Variants in FRMD7 observed in about 807,000 individuals in gnomAD.
FRMD7 encodes FERM domain containing 7.
A neutral mutation model predicts 44.1 loss-of-function variants in FRMD7; 14 were observed. That is an observed-to-expected ratio of 0.32 (90% confidence interval 0.21 to 0.50). The LOEUF (loss-of-function observed/expected upper bound fraction) is 0.50, where lower values mean the gene tolerates loss of function less well. Ranked by LOEUF, FRMD7 falls within the 20% of genes least tolerant of loss-of-function variation. The pLI is 0.99. For missense variants in FRMD7, 501 were observed against 522.3 expected, an observed-to-expected ratio of 0.96 and a Z score of 0.40; for synonymous variants, 212 against 187.4, an observed-to-expected ratio of 1.13 and a Z score of -1.07.
At chrX:132,106,042 A>G (rs777618983) in intron 1 of FRMD7, among the ~76,000 whole-genome samples, 1 of 112,213 alleles carries the variant, frequency 8.9e-6, no homozygotes, top group Admixed American at 9.5e-5. Context: ...CTTCTGCACA[A>G]CAGAAGAAAC....
chrX:132,085,731 G>A lies in FRMD7; in HGVS notation c.498-3C>T. 8.3e-7 allele frequency: 1 copy of A among 1,206,229 alleles called. No homozygotes were observed. Among genetic ancestry groups the A allele is most frequent in the East Asian group, 3.0e-5 (1 of 33,809 alleles). ...CAGATTCAGCTGGGCTCCTGCCACTGAAAGGGGAAAGAATTTATGAGCCTA... is the reference window on the plus strand; with the variant it reads ...CAGATTCAGCTGGGCTCCTGCCACTAAAAGGGGAAAGAATTTATGAGCCTA... On this transcript the variant is annotated splice_polypyrimidine_tract_variant and splice_region_variant and intron_variant, in intron 6 of 11. Transcript: ENST00000298542.
In FRMD7 at chrX:132,084,545, C is replaced by T. The variant is rs1277787777; in HGVS notation, c.686G>A (p.Arg229His). ...KINTFNWAKIRKLSFKRKHFL... is the reference protein window; with the variant it reads ...KINTFNWAKIHKLSFKRKHFL... ...ATGCTTTCTCTTAAAACTCAACTTG[C>T]GGATTTTAGCCCAGTTAAAAGTATT... The change falls in exon 8 of 12, where the codon CGC (arginine) becomes CAC (histidine). Residue 229 changes from arginine to histidine, a missense_variant. Physicochemically the swap from Arg to His is conservative, Grantham distance 29. This residue lies in a region of FRMD7 where 453 missense variants were observed against 452.7 expected (regional missense o/e 1.00). Coordinates refer to ENST00000298542, the MANE Select transcript of FRMD7 (RefSeq NM_194277.3). 8 of 1,182,396 alleles carry T rather than the reference C, an allele frequency of 6.8e-6. No individual in the cohort carries two copies. The highest frequency in any genetic ancestry group is 3.6e-5 in the South Asian group (2 of 56,315).
chrX:132,092,824 T>C (rs1928218754), intron 5 of FRMD7, among the ~76,000 whole-genome samples: 1 of 111,748 alleles, frequency 8.9e-6, no homozygotes, highest in African/African-American at 3.3e-5. Context: ...AGTACAATAC[T>C]GGACATGACG....
intron 1 of FRMD7, among the ~76,000 whole-genome samples, chrX:132,110,195 G>A (rs1928743517): frequency 9.0e-6 from 1 of 111,642 alleles, no homozygotes; most frequent in Admixed American, 9.5e-5. Context: ...GCTACCAGGT[G>A]AGACCGATGC....
intron 5 of FRMD7, among the ~76,000 whole-genome samples, chrX:132,093,201 C>T (rs1394791006): frequency 9.0e-6 from 1 of 111,683 alleles, no homozygotes; most frequent in African/African-American, 3.3e-5. Flanking sequence ...TCTGGGGCTC[C>T]CGGTGAAATT....
chrX:132,126,562 C>T (rs1295973369), intron 1 of FRMD7, among the ~76,000 whole-genome samples: 1 of 111,819 alleles, frequency 8.9e-6, no homozygotes, highest in East Asian at 2.8e-4. Flanking sequence ...CTTTGAGTTC[C>T]TTGAAATATC....
At chrX:132,083,424 C>T (rs1397031753) in intron 8 of FRMD7, among the ~76,000 whole-genome samples, 1 of 111,292 alleles carries the variant, frequency 9.0e-6, no homozygotes, top group Non-Finnish European at 1.9e-5. Flanking sequence ...GGCATGTTTG[C>T]AGCCCTGTTT....
rs377700609 is a variant in FRMD7 at position 132,079,001 on chromosome X, A to G, written c.1051-35T>C. 3.4e-5 allele frequency: 39 copies of G among 1,158,795 alleles called. No homozygotes were observed. The African/African-American group carries it at 6.6e-4, about 19-fold the overall frequency. ...ATGGACACATTGGTGAAAGAAGGAAAAGGCCATTTGGTTAGGGCTGGGGGA... is the reference window on the plus strand; with the variant it reads ...ATGGACACATTGGTGAAAGAAGGAAGAGGCCATTTGGTTAGGGCTGGGGGA... On this transcript the variant is annotated intron_variant, in intron 11 of 11. Coordinates refer to ENST00000298542, the MANE Select transcript of FRMD7 (RefSeq NM_194277.3).
At chrX:132,098,247 T>C (rs1928400580) in intron 3 of FRMD7, among the ~76,000 whole-genome samples, 1 of 112,405 alleles carries the variant, frequency 8.9e-6, no homozygotes, top group South Asian at 3.7e-4. Context: ...AATTACAATT[T>C]AATAGGGCAT....
In FRMD7 at chrX:132,127,858, G is replaced by T; in HGVS notation, c.-14C>A. On this transcript the variant is annotated 5_prime_UTR_variant, in exon 1 of 12. Transcript: ENST00000298542. Reference sequence around the variant, plus strand: ...TAAATGTAGCATTCTCAGCGAGGCCGTTGGGCTGCAAGCAGGCTCAGAGTG... The same window carrying T: ...TAAATGTAGCATTCTCAGCGAGGCCTTTGGGCTGCAAGCAGGCTCAGAGTG... The T allele has an allele frequency of 1.7e-6, 2 of 1,197,626 alleles. No homozygotes were observed. Among genetic ancestry groups the T allele is most frequent in the Non-Finnish European group, 2.3e-6 (2 of 882,624 alleles).
chrX:132,086,117 CA>C, intron 5 of FRMD7, 83 bp from the exon 6 acceptor site: 2 of 595,581 alleles, frequency 3.4e-6, no homozygotes, highest in Admixed American at 2.2e-5. Flanking sequence ...TGTCCTCCAT[CA>C]AACAGCCCCT....
At chrX:132,079,606 A>C (rs1296167016) in intron 11 of FRMD7, among the ~76,000 whole-genome samples, 1 of 112,445 alleles carries the variant, frequency 8.9e-6, no homozygotes, top group Non-Finnish European at 1.9e-5. Flanking sequence ...TTTGTCCTTA[A>C]GTTACAAAAT....
intron 11 of FRMD7, among the ~76,000 whole-genome samples, chrX:132,079,594 A>G (rs1220762833): frequency 8.9e-6 from 1 of 112,335 alleles, no homozygotes; most frequent in Non-Finnish European, 1.9e-5. Context: ...AGGGAACAAC[A>G]CTTTGTCCTT....
intron 1 of FRMD7, among the ~76,000 whole-genome samples, chrX:132,118,340 G>A (rs1602837361): frequency 9.1e-6 from 1 of 110,497 alleles, no homozygotes; most frequent in South Asian, 3.8e-4. Context: ...CCAGGTTCTT[G>A]TCACACGACC....
At position 132,077,981 on chromosome X, in the gene FRMD7, A is replaced by C; in HGVS notation, c.2036T>G (p.Leu679Arg). Residue 679 changes from leucine to arginine, a missense_variant, in exon 12 of 12, where the codon CTG (leucine) becomes CGG (arginine). Around this residue, in one of 3 missense-constraint regions of FRMD7, gnomAD observed 453 missense variants for 452.7 expected, o/e 1.00. Transcript: ENST00000298542. The part of the protein sequence containing the change: ...EIRSPMARIR[L>R]SSGSLQLDEE... ...ATCTAACTGTAGACTACCAGAAGACAGGCGGATTCTGGCCATGGGTGACCT... is the reference window on the plus strand; with the variant it reads ...ATCTAACTGTAGACTACCAGAAGACCGGCGGATTCTGGCCATGGGTGACCT... 1 of 1,210,958 alleles carries C rather than the reference A, an allele frequency of 8.3e-7. No individual in the cohort carries two copies. Among genetic ancestry groups the C allele is most frequent in the Non-Finnish European group, 1.1e-6 (1 of 894,663 alleles).
intron 1 of FRMD7, among the ~76,000 whole-genome samples, chrX:132,120,502 G>T (rs944945962): frequency 1.8e-5 from 2 of 112,822 alleles, no homozygotes; most frequent in Non-Finnish European, 3.8e-5. Flanking sequence ...ACAGCCAAAC[G>T]CCACCCACCT....
chrX:132,110,445 G>A (rs149378699), intron 1 of FRMD7, among the ~76,000 whole-genome samples: 1,169 of 111,384 alleles, frequency 0.01, 12 homozygotes, highest in African/African-American at 0.036. Context: ...AGAGATTCCT[G>A]GTATTCTCTT....
chrX:132,119,988 C>G, intron 1 of FRMD7, among the ~76,000 whole-genome samples: 1 of 111,510 alleles, frequency 9.0e-6, no homozygotes, highest in Middle Eastern at 4.6e-3. Flanking sequence ...AAAAGCTAGG[C>G]ACTGCTCCCT....
chrX:132,116,110 C>T (rs899492432), intron 1 of FRMD7, among the ~76,000 whole-genome samples: 1 of 112,150 alleles, frequency 8.9e-6, no homozygotes, highest in Non-Finnish European at 1.9e-5. Flanking sequence ...AATGTTTTAT[C>T]GACTGACATT....
Sources: gnomAD v4.1 joint callset for allele counts (sites outside exome capture counted in the v4.1 genomes callset) on GRCh38, gnomAD v4.1.1 for gene constraint, gnomAD v4.1.1 regional missense constraint, MANE v1.5 for transcripts, NCBI Gene and HGNC (gene_info 2026-07-23, HGNC 2026-07-21) for gene names.